SPATA25: variants seen among roughly 807,000 people sequenced by gnomAD.
SPATA25 encodes spermatogenesis-associated protein 25.
A neutral mutation model predicts 16.0 loss-of-function variants in SPATA25; 16 were observed. The observed-to-expected ratio is 1.00, with a 90% CI of 0.68 to 1.52. The LOEUF is 1.52. Ranked by LOEUF, SPATA25 falls within the 40% of genes most tolerant of loss-of-function variation. SPATA25 has a pLI of 0.00. For synonymous variants in SPATA25, 115 were observed against 118.5 expected, an observed-to-expected ratio of 0.97 and a Z score of 0.19; for missense variants, 285 against 289.2, an observed-to-expected ratio of 0.99 and a Z score of 0.11.
At chr20:45,888,812 G>GGCCAGCC, upstream of SPATA25, 1 of 1,614,100 alleles carries the variant, frequency 6.2e-7, no homozygotes, top group Non-Finnish European at 8.5e-7. Flanking sequence ...GCCCATCAAT[G>GGCCAGCC]GCCAGCCGGT....
chr20:45,889,867 C>T (rs530621477), upstream of SPATA25, among the ~76,000 whole-genome samples: 1 of 152,234 alleles, frequency 6.6e-6, no homozygotes, highest in South Asian at 2.1e-4. Context: ...GCCTGCCTCC[C>T]CCTCCCAAAG....
chr20:45,887,766 C>T (rs1986540930), upstream of SPATA25: 1 of 499,620 alleles, frequency 2.0e-6, no homozygotes, highest in African/African-American at 2.0e-5. Flanking sequence ...GTTAAAAGAG[C>T]ACCAGACCAG....
rs1292675685 is a variant in SPATA25, at chr20:45,886,977, C to T, written c.224G>A (p.Gly75Glu). Residue 75 changes from glycine to glutamate, a missense_variant, in exon 2 of 2, where the codon GGG (glycine) becomes GAG (glutamate). Physicochemically the swap from Gly to Glu is moderately conservative, Grantham distance 98. Coordinates refer to ENST00000372519, the MANE Select transcript of SPATA25 (RefSeq NM_080608.4). ...LAMPQARGCPGGTSWETLRKE... is the reference protein window; with the variant it reads ...LAMPQARGCPEGTSWETLRKE... ...CCGTAGTGTCTCCCAGCTAGTCCCC[C>T]CAGGGCAGCCCCTGGCTTGTGGCAT... The T allele has an allele frequency of 1.9e-6, 3 of 1,613,844 alleles. No homozygotes were observed. The highest frequency in any genetic ancestry group is 2.2e-5 in the South Asian group (2 of 91,092).
upstream of SPATA25, chr20:45,890,674 G>T: frequency 6.2e-7 from 1 of 1,613,736 alleles, no homozygotes; most frequent in Non-Finnish European, 8.5e-7. Flanking sequence ...TGTGGCCCAG[G>T]TTGACCAGAT....
Position 45,887,517 on chromosome 20 carries a change from G to A in SPATA25, c.55+19C>T, listed in dbSNP as rs767504167. ...GGAAGCTGCCGCACTCCCTCCAATT[G>A]CAGGTGCCCCCCGCTCACCTTGGCC... On this transcript the variant is annotated intron_variant, in intron 1 of 1. Coordinates refer to ENST00000372519, the MANE Select transcript of SPATA25 (RefSeq NM_080608.4). 2.8e-5 allele frequency: 45 copies of A among 1,611,708 alleles called. 1 individual carries two copies. Among genetic ancestry groups the A allele is most frequent in the Admixed American group, 1.7e-5 (1 of 59,880 alleles).
upstream of SPATA25, chr20:45,890,540 T>C (rs1030456894): frequency 5.0e-6 from 8 of 1,609,488 alleles, no homozygotes; most frequent in Non-Finnish European, 5.9e-6. Flanking sequence ...AATGCGAAAC[T>C]GCTCAATGCG....
chr20:45,888,865 G>A (rs1409040963), upstream of SPATA25: 1 of 1,614,148 alleles, frequency 6.2e-7, no homozygotes, highest in Middle Eastern at 1.7e-4. Flanking sequence ...AGAGTCTGCA[G>A]GGATGGCACT....
chr20:45,890,219 C>T, upstream of SPATA25: 1 of 1,613,206 alleles, frequency 6.2e-7, no homozygotes. Context: ...CCACACTGAG[C>T]CAGGAGGGGT....
chr20:45,890,753 T>C (rs780622243), upstream of SPATA25: 2 of 1,612,778 alleles, frequency 1.2e-6, no homozygotes, highest in Admixed American at 1.7e-5. Context: ...GAGACGCAGA[T>C]GTCCGCACCA....
chr20:45,886,596 T>G lies in SPATA25; in HGVS notation c.605A>C (p.Gln202Pro). 6.2e-7 allele frequency: 1 copy of G among 1,613,386 alleles called. No homozygotes were observed. The highest frequency in any genetic ancestry group is 8.5e-7 in the Non-Finnish European group (1 of 1,179,788). Residue 202 changes from glutamine (Q) to proline (P), a missense_variant, in exon 2 of 2, where the codon CAG becomes CCG. Physicochemically the swap from Gln to Pro is moderately conservative, Grantham distance 76. Transcript: ENST00000372519. ...CCCAGAGGCTGTGTGGGCATGTGCCTGCTCCCACCGCGCCCCCTCCACAGC... is the reference window on the plus strand; with the variant it reads ...CCCAGAGGCTGTGTGGGCATGTGCCGGCTCCCACCGCGCCCCCTCCACAGC... ...EGAVEGARWE[Q>P]AHAHTASGKM...
upstream of SPATA25, among the ~76,000 whole-genome samples, chr20:45,887,908 G>A (rs1488321144): frequency 1.3e-5 from 2 of 152,230 alleles, no homozygotes; most frequent in Non-Finnish European, 2.9e-5. Flanking sequence ...AGGATGAAAT[G>A]AGATCATTTG....
chr20:45,886,732 G>C lies in SPATA25; in HGVS notation c.469C>G (p.Leu157Val). ...GGGATGCCAGCGATCATCATGGCGA[G>C]GGTGAGGATGCAGATATCAGGCTGG... is the stretch of plus-strand genomic sequence containing the variant. ...SSQPDICILT[L>V]AMMIAGIPTV... is the part of the protein sequence containing the mutation. The change falls in exon 2 of 2, where the codon CTC (leucine) becomes GTC (valine). Residue 157 changes from leucine (L) to valine (V), a missense_variant. Leu to Val is a conservative substitution (Grantham distance 32). Transcript: ENST00000372519. The C allele has an allele frequency of 6.2e-7, 1 of 1,614,134 alleles. No homozygotes were observed. The highest frequency in any genetic ancestry group is 8.5e-7 in the Non-Finnish European group (1 of 1,180,046).
rs759740781 is a variant in SPATA25 at position 45,887,512 on chromosome 20, C to G, written c.55+24G>C. ...TCAGGGGAAGCTGCCGCACTCCCTCCAATTGCAGGTGCCCCCCGCTCACCT... is the reference window on the plus strand; with the variant it reads ...TCAGGGGAAGCTGCCGCACTCCCTCGAATTGCAGGTGCCCCCCGCTCACCT... On this transcript the variant is annotated intron_variant, in intron 1 of 1. Transcript: ENST00000372519. The G allele has an allele frequency of 3.7e-6, 6 of 1,611,256 alleles. No homozygotes were observed. The East Asian group carries it at 1.3e-4, about 36-fold the overall frequency.
At chr20:45,888,779 C>G (rs777174780), upstream of SPATA25, 2 of 1,614,120 alleles carry the variant, frequency 1.2e-6, no homozygotes, top group East Asian at 2.2e-5. Flanking sequence ...TGCAGAAATC[C>G]TTAAGTTCTT....
Position 45,886,719 on chromosome 20 carries a change from A to G in SPATA25, c.482T>C (p.Ile161Thr). 6.2e-7 allele frequency: 1 copy of G among 1,614,072 alleles called. No individual in the cohort carries two copies. The highest frequency in any genetic ancestry group is 8.5e-7 in the Non-Finnish European group (1 of 1,180,016). ...DICILTLAMM[I>T]AGIPTVPVPG... ...GACGGGCACGGTGGGGATGCCAGCG[A>G]TCATCATGGCGAGGGTGAGGATGCA... is the stretch of plus-strand genomic sequence containing the variant. The change falls in exon 2 of 2, where the codon ATC becomes ACC. Residue 161 changes from isoleucine (I) to threonine (T), a missense_variant. Coordinates refer to ENST00000372519, the MANE Select transcript of SPATA25 (RefSeq NM_080608.4).
upstream of SPATA25, chr20:45,890,748 G>A: frequency 1.2e-6 from 2 of 1,613,006 alleles, no homozygotes; most frequent in Middle Eastern, 1.7e-4. Context: ...AGACCGAGAC[G>A]CAGATGTCCG....
In SPATA25 at chr20:45,886,596, T is replaced by C; in HGVS notation, c.605A>G (p.Gln202Arg). The C allele has an allele frequency of 6.2e-7, 1 of 1,613,386 alleles. No individual in the cohort carries two copies. The highest frequency in any genetic ancestry group is 8.5e-7 in the Non-Finnish European group (1 of 1,179,788). Residue 202 changes from glutamine (Q) to arginine (R), a missense_variant, in exon 2 of 2, where the codon CAG becomes CGG. Gln to Arg is a conservative substitution (Grantham distance 43, BLOSUM62 1). Transcript: ENST00000372519. ...EGAVEGARWE[Q>R]AHAHTASGKM... ...CCCAGAGGCTGTGTGGGCATGTGCC[T>C]GCTCCCACCGCGCCCCCTCCACAGC... is the stretch of plus-strand genomic sequence containing the variant.
upstream of SPATA25, chr20:45,890,953 G>A (rs773524100): frequency 7.9e-6 from 12 of 1,509,910 alleles, no homozygotes; most frequent in South Asian, 1.5e-4. Context: ...CGAGTCCCCA[G>A]AGTGCACCCG....
At chr20:45,888,813 G>C, upstream of SPATA25, 3 of 1,614,068 alleles carry the variant, frequency 1.9e-6, no homozygotes, top group Non-Finnish European at 2.5e-6. Flanking sequence ...CCCATCAATG[G>C]CCAGCCGGTG....
Sources: allele counts gnomAD v4.1 joint callset (sites outside exome capture counted in the v4.1 genomes callset), GRCh38; gene constraint gnomAD v4.1.1; transcripts MANE v1.5; gene names NCBI Gene and HGNC (gene_info 2026-07-23, HGNC 2026-07-21).